The following FCHO2 variants were observed in gnomAD, a reference collection of about 807,000 sequenced individuals.
FCHO2 encodes F-BAR domain only protein 2.
In FCHO2, 43 loss-of-function variants were observed where a neutral mutation model predicts 114.1. The observed-to-expected ratio is 0.38, with a 90% confidence interval of 0.30 to 0.49. The LOEUF (loss-of-function observed/expected upper bound fraction) is 0.49. FCHO2 is among the 20% of genes least tolerant of loss of function. The pLI, the probability that FCHO2 is intolerant of heterozygous loss-of-function variation, is 0.97. For synonymous variants in FCHO2, 293 were observed against 315.2 expected (o/e 0.93, Z 0.75); for missense variants, 807 against 950.4 (o/e 0.85, Z 1.98).
chr5:72,962,815 C>T (rs890438995), intron 1 of FCHO2, among the ~76,000 whole-genome samples: 1 of 151,986 alleles, frequency 6.6e-6, no homozygotes, highest in Admixed American at 6.6e-5. Context: ...ATTGCTTGAA[C>T]CCGGGTGGCA....
intron 8 of FCHO2, among the ~76,000 whole-genome samples, chr5:73,025,738 T>C (rs1190847819): frequency 6.6e-6 from 1 of 152,224 alleles, no homozygotes. Context: ...AGTGACTCAC[T>C]GCAATAACAA....
intron 24 of FCHO2, among the ~76,000 whole-genome samples, chr5:73,083,140 T>C (rs543527608): frequency 6.6e-6 from 1 of 152,180 alleles, no homozygotes; most frequent in East Asian, 1.9e-4. Context: ...CACCTCGGCC[T>C]CCCAAAGTGC....
At chr5:73,038,570 T>C (rs1478727882) in intron 10 of FCHO2, among the ~76,000 whole-genome samples, 1 of 152,212 alleles carries the variant, frequency 6.6e-6, no homozygotes, top group East Asian at 1.9e-4. Flanking sequence ...TGGGCACTCA[T>C]ATTTTTAACA....
chr5:72,959,714 A>G (rs970352331), intron 1 of FCHO2, among the ~76,000 whole-genome samples: 1 of 152,086 alleles, frequency 6.6e-6, no homozygotes, highest in African/African-American at 2.4e-5. Context: ...AAAGTGAGGT[A>G]GTGAGAACCT....
At chr5:73,084,010 A>C (rs1185725847) in intron 24 of FCHO2, among the ~76,000 whole-genome samples, 1 of 151,304 alleles carries the variant, frequency 6.6e-6, no homozygotes, top group Admixed American at 6.6e-5. Context: ...TCTGATGATT[A>C]TTTTAAGGAG....
At chr5:73,011,252 G>A (rs1329552390) in intron 6 of FCHO2, among the ~76,000 whole-genome samples, 1 of 152,008 alleles carries the variant, frequency 6.6e-6, no homozygotes, top group African/African-American at 2.4e-5. Context: ...GTAGATTTAG[G>A]TTACATTAAA....
At chr5:73,002,248 T>A (rs1365271838) in intron 5 of FCHO2, among the ~76,000 whole-genome samples, 3 of 152,214 alleles carry the variant, frequency 2.0e-5, no homozygotes, top group Non-Finnish European at 4.4e-5. Context: ...CAGTAGAGAT[T>A]TGAGTAGCAA....
chr5:73,052,040 C>T (rs1480839835), intron 12 of FCHO2, among the ~76,000 whole-genome samples: 8 of 152,074 alleles, frequency 5.3e-5, no homozygotes, highest in Admixed American at 4.6e-4. Context: ...TCTCATGCCT[C>T]AGCCTCCCGA....
intron 7 of FCHO2, among the ~76,000 whole-genome samples, chr5:73,016,778 T>TC (rs1306124598): frequency 6.6e-6 from 1 of 152,146 alleles, no homozygotes; most frequent in Non-Finnish European, 1.5e-5. Context: ...ATGCCTATAG[T>TC]CCCAGCTACT....
At chr5:73,042,812 AAAT>A (rs1756868741) in intron 11 of FCHO2, among the ~76,000 whole-genome samples, 1 of 152,240 alleles carries the variant, frequency 6.6e-6, no homozygotes, top group South Asian at 2.1e-4. Flanking sequence ...TCATAAAAAG[AAAT>A]AAAAGTGATA....
chr5:72,987,261 C>T (rs997659135), intron 2 of FCHO2, among the ~76,000 whole-genome samples: 60 of 152,222 alleles, frequency 3.9e-4, no homozygotes, highest in African/African-American at 1.4e-3. Flanking sequence ...GAATTTTCTG[C>T]TTTTGGCATC....
Position 73,052,396 on chromosome 5 carries a change from G to A in FCHO2, c.1062G>A (p.Lys354=). The change falls in exon 13 of 26, where the codon AAG becomes AAA. Residue 354 remains lysine (K), a synonymous_variant. Coordinates refer to ENST00000430046, the MANE Select transcript of FCHO2 (RefSeq NM_138782.3). The stretch of plus-strand genomic sequence containing the variant: ...ACTCCGAAGATGAAGAACCAAAGAA[G>A]TATCGGATAGAAATTAAGCCTATGC... ...DSDSEDEEPK[K]YRIEIKPMHP... 7 of 1,607,236 alleles carry A rather than the reference G, an allele frequency of 4.4e-6. No individual in the cohort carries two copies. Among genetic ancestry groups the A allele is most frequent in the Non-Finnish European group, 5.1e-6 (6 of 1,176,532 alleles).
intron 24 of FCHO2, among the ~76,000 whole-genome samples, chr5:73,086,295 T>G (rs545644911): frequency 7.9e-5 from 12 of 152,218 alleles, no homozygotes; most frequent in Non-Finnish European, 1.3e-4. Context: ...TGTAAAAGTT[T>G]GAGGGCCTGG....
chr5:73,023,733 A>G (rs1433637232), intron 8 of FCHO2, among the ~76,000 whole-genome samples: 1 of 151,998 alleles, frequency 6.6e-6, no homozygotes, highest in Non-Finnish European at 1.5e-5. Context: ...GTCCAAACAC[A>G]TTTATTTAAC....
At chr5:72,982,936 C>T (rs1322308912) in intron 2 of FCHO2, among the ~76,000 whole-genome samples, 6 of 96,506 alleles carry the variant, frequency 6.2e-5, no homozygotes, top group African/African-American at 1.1e-4. Flanking sequence ...TTTTTTCAGA[C>T]AGAGTATCTC....
chr5:73,001,448 CAAAAAAAAAAAAAAA>C (rs1215202339), intron 5 of FCHO2, among the ~76,000 whole-genome samples: 7 of 65,530 alleles, frequency 1.1e-4, no homozygotes, highest in Non-Finnish European at 1.4e-4. Flanking sequence ...GATCCTGTCT[CAAAAAAAAAAAAAAA>C]AAAAAAAAGA....
intron 19 of FCHO2, among the ~76,000 whole-genome samples, chr5:73,070,223 G>T (rs2112877413): frequency 6.6e-6 from 1 of 152,174 alleles, no homozygotes; most frequent in Non-Finnish European, 1.5e-5. Context: ...GATTTGTCAA[G>T]GCTCACATAG....
Position 73,006,431 on chromosome 5 carries a change from T to G in FCHO2, c.496-14T>G, listed in dbSNP as rs1246778640. ...AATGCACAGTTAAAAGTTTTTTATT[T>G]TATTTTATTACAGGCAGCTGTTAAA... On this transcript the variant is annotated splice_polypyrimidine_tract_variant and intron_variant, in intron 5 of 25. Transcript: ENST00000430046. 4 of 1,456,316 alleles carry G rather than the reference T, an allele frequency of 2.7e-6. No individual in the cohort carries two copies. Among genetic ancestry groups the G allele is most frequent in the Non-Finnish European group, 3.6e-6 (4 of 1,104,998 alleles). The allele number at this position is 1,456,316 out of a possible 1,614,324, so 90.2% of individuals were successfully genotyped here.
chr5:72,970,773 A>G (rs1377487978), intron 2 of FCHO2, among the ~76,000 whole-genome samples: 1 of 151,994 alleles, frequency 6.6e-6, no homozygotes, highest in Non-Finnish European at 1.5e-5. Flanking sequence ...ATATGTATAC[A>G]TGTGCCGTGC....
Sources: gnomAD v4.1 joint callset for allele counts (sites outside exome capture counted in the v4.1 genomes callset) on GRCh38, gnomAD v4.1.1 for gene constraint, MANE v1.5 for transcripts, NCBI Gene and HGNC (gene_info 2026-07-23, HGNC 2026-07-21) for gene names.